Variants in GRM5 observed in about 807,000 individuals in gnomAD.
The protein encoded by GRM5 is metabotropic glutamate receptor 5.
Under a neutral mutation model 83.1 loss-of-function variants are expected in GRM5, and 19 were observed. The observed-to-expected ratio is 0.23, with a 90% CI of 0.16 to 0.34. The LOEUF (loss-of-function observed/expected upper bound fraction) is 0.34, where lower values mean the gene tolerates loss of function less well. Among genes scored for constraint, GRM5 ranks in the 10% least tolerant of loss-of-function variants. The probability of loss-of-function intolerance (pLI) is 1.00; values close to 1 mark genes in which losing one functional copy is unlikely to be tolerated. For synonymous variants in GRM5, 675 were observed against 633.6 expected (o/e 1.07, Z -0.98); for missense variants, 1,160 against 1,588.3 (o/e 0.73, Z 4.58).
chr11:88,597,711 T>G (rs1937855180), intron 5 of GRM5, among the ~76,000 whole-genome samples: 1 of 152,256 alleles, frequency 6.6e-6, no homozygotes, highest in Middle Eastern at 3.4e-3. Context: ...ATGATAAAAC[T>G]TACATTTACT....
chr11:88,928,646 G>C (rs1169963743), intron 2 of GRM5, among the ~76,000 whole-genome samples: 2 of 151,770 alleles, frequency 1.3e-5, no homozygotes, highest in African/African-American at 4.8e-5. Context: ...ACAATTATAA[G>C]TTTTGCCAAA....
At chr11:89,015,623 C>G (rs1226683921) in intron 2 of GRM5, among the ~76,000 whole-genome samples, 1 of 152,100 alleles carries the variant, frequency 6.6e-6, no homozygotes, top group East Asian at 1.9e-4. Context: ...CAGAGTGAAA[C>G]ACTTTATTCT....
At chr11:88,601,419 C>G (rs563566741) in intron 5 of GRM5, among the ~76,000 whole-genome samples, 2 of 151,912 alleles carry the variant, frequency 1.3e-5, no homozygotes, top group East Asian at 3.9e-4. Context: ...TTCTCTTTCT[C>G]TCTCTTTTGT....
chr11:89,024,538 T>A (rs1303697706), intron 2 of GRM5, among the ~76,000 whole-genome samples: 1 of 152,254 alleles, frequency 6.6e-6, no homozygotes, highest in African/African-American at 2.4e-5. Flanking sequence ...GTAGAGTTTA[T>A]TAAACATAAA....
At chr11:88,559,432 C>T (rs1020751729) in intron 8 of GRM5, among the ~76,000 whole-genome samples, 1 of 152,292 alleles carries the variant, frequency 6.6e-6, no homozygotes. Context: ...TCCTCTTCTA[C>T]TTACTATCTG....
At chr11:88,563,534 T>C (rs1942804316) in intron 8 of GRM5, among the ~76,000 whole-genome samples, 1 of 152,160 alleles carries the variant, frequency 6.6e-6, no homozygotes. Flanking sequence ...TCTCAGATTA[T>C]AGCAGCCTGT....
intron 2 of GRM5, among the ~76,000 whole-genome samples, chr11:88,959,825 T>C (rs1281125358): frequency 6.6e-6 from 1 of 152,232 alleles, no homozygotes; most frequent in Non-Finnish European, 1.5e-5. Context: ...CACTCCTATC[T>C]ATGTTTAGAT....
rs199620207 is a variant in GRM5 at position 88,689,058 on chromosome 11, TG to T, written c.912-35656del. The stretch of plus-strand genomic sequence containing the variant: ...TGCTCACAGAATCTAGTACAGTACC[TG>T]GGAACTTGATAAATATTTGTTGAAT... On this transcript the variant is annotated intron_variant, in intron 3 of 9. Coordinates refer to ENST00000305447, the MANE Select transcript of GRM5 (RefSeq NM_001143831.3). Among the ~76,000 whole-genome samples the T allele has an allele frequency of 6.2e-3, 942 of 152,260 alleles. 7 individuals carry two copies. The highest frequency in any genetic ancestry group is 0.022 in the African/African-American group (911 of 41,548).
At chr11:88,819,380 G>T (rs886481760) in intron 3 of GRM5, among the ~76,000 whole-genome samples, 1 of 152,134 alleles carries the variant, frequency 6.6e-6, no homozygotes, top group Non-Finnish European at 1.5e-5. Context: ...TTTTTCAGTT[G>T]CTATTAATAA....
chr11:88,684,323 T>C (rs554155745), intron 3 of GRM5, among the ~76,000 whole-genome samples: 11 of 152,326 alleles, frequency 7.2e-5, no homozygotes, highest in Admixed American at 7.2e-4. Flanking sequence ...TAAAGATTAT[T>C]CCAGGTACTC....
chr11:88,527,011 C>G (rs540744465), intron 8 of GRM5, among the ~76,000 whole-genome samples: 18 of 152,092 alleles, frequency 1.2e-4, no homozygotes, highest in Non-Finnish European at 2.2e-4. Flanking sequence ...AACTTAGAGA[C>G]TTTGTTAAAG....
At chr11:88,747,833 A>C (rs1409342586) in intron 3 of GRM5, among the ~76,000 whole-genome samples, 1 of 152,076 alleles carries the variant, frequency 6.6e-6, no homozygotes, top group Admixed American at 6.6e-5. Context: ...TTTTTTATTA[A>C]AATCAATTAT....
At chr11:89,005,128 A>C (rs955139648) in intron 2 of GRM5, among the ~76,000 whole-genome samples, 1 of 152,212 alleles carries the variant, frequency 6.6e-6, no homozygotes, top group African/African-American at 2.4e-5. Flanking sequence ...GATGAAATCT[A>C]TCTTTGGATT....
At chr11:88,712,929 G>C (rs1941313702) in intron 3 of GRM5, among the ~76,000 whole-genome samples, 1 of 151,980 alleles carries the variant, frequency 6.6e-6, no homozygotes, top group South Asian at 2.1e-4. Context: ...TTTTTCCTAT[G>C]TGGTATCTTT....
chr11:88,613,760 G>A (rs1243667846), intron 4 of GRM5, among the ~76,000 whole-genome samples: 1 of 152,102 alleles, frequency 6.6e-6, no homozygotes, highest in African/African-American at 2.4e-5. Flanking sequence ...AAGGATCCAA[G>A]AACACTTCCT....
chr11:88,504,869 T>G lies in GRM5; in HGVS notation c.*3723A>C, dbSNP rs1043856380. On this transcript the variant is annotated 3_prime_UTR_variant, in exon 10 of 10. Transcript: ENST00000305447. The stretch of plus-strand genomic sequence containing the variant: ...CACAATTTTAAAACCAAATCAGTTA[T>G]AAGTGCAGAAAAAAGTAAGTACAAG... 1 of 152,276 alleles carries G rather than the reference T, an allele frequency of 6.6e-6. No individual in the cohort carries two copies. The highest frequency in any genetic ancestry group is 1.9e-4 in the East Asian group (1 of 5,186). The allele number at this position is 152,276 out of a possible 1,614,324, so 9.4% of individuals were successfully genotyped here. A position where few individuals can be genotyped will look rare whatever the true frequency, so the allele number is the denominator to read the frequency against.
intron 7 of GRM5, among the ~76,000 whole-genome samples, chr11:88,574,668 G>A (rs1339810222): frequency 6.6e-6 from 1 of 152,150 alleles, no homozygotes; most frequent in African/African-American, 2.4e-5. Context: ...TCAGGAGGCT[G>A]AGGCAGGAGA....
intron 2 of GRM5, among the ~76,000 whole-genome samples, chr11:88,902,154 TG>T: frequency 6.6e-6 from 1 of 152,132 alleles, no homozygotes; most frequent in East Asian, 1.9e-4. Flanking sequence ...AAAGTTTTTT[TG>T]TTTTTTTTTT....
At chr11:88,561,974 G>T (rs1942767059) in intron 8 of GRM5, among the ~76,000 whole-genome samples, 1 of 152,016 alleles carries the variant, frequency 6.6e-6, no homozygotes, top group Non-Finnish European at 1.5e-5. Flanking sequence ...GTGGAAATTT[G>T]CTTCGTCTAG....
Sources: allele counts gnomAD v4.1 joint callset (sites outside exome capture counted in the v4.1 genomes callset), GRCh38; gene constraint gnomAD v4.1.1; transcripts MANE v1.5; gene names NCBI Gene and HGNC (gene_info 2026-07-23, HGNC 2026-07-21).